Variants in GSK3B observed in about 807,000 individuals in gnomAD.
The protein encoded by GSK3B is glycogen synthase kinase-3 beta.
A neutral mutation model predicts 56.4 loss-of-function variants in GSK3B; 15 were observed. The ratio of observed to expected loss-of-function variants is 0.27; its 90% CI spans 0.18 to 0.41. GSK3B has a LOEUF of 0.41. GSK3B is among the 10% of genes least tolerant of loss of function. The pLI is 1.00. For missense variants in GSK3B, 300 were observed against 513.4 expected, an observed-to-expected ratio of 0.58 and a Z score of 4.02; for synonymous variants, 181 against 188.9, an observed-to-expected ratio of 0.96 and a Z score of 0.34.
intron 2 of GSK3B, among the ~76,000 whole-genome samples, chr3:119,987,549 A>C (rs1311830768): frequency 1.3e-5 from 2 of 152,186 alleles, no homozygotes; most frequent in Non-Finnish European, 2.9e-5. Flanking sequence ...CATATTGGTA[A>C]AGTTAAAGGG....
At chr3:120,029,680 T>G (rs761031519) in intron 1 of GSK3B, 1 of 531,164 alleles carries the variant, frequency 1.9e-6, no homozygotes, top group South Asian at 1.6e-5. Flanking sequence ...ATTATGGCCA[T>G]GGATACAGCA....
At chr3:119,993,768 G>GA (rs966964693) in intron 2 of GSK3B, among the ~76,000 whole-genome samples, 3 of 151,908 alleles carry the variant, frequency 2.0e-5, no homozygotes, top group African/African-American at 2.4e-5. Context: ...AAGAAATACA[G>GA]AAAAAAACGT....
At chr3:119,986,704 G>A (rs1479230628) in intron 2 of GSK3B, among the ~76,000 whole-genome samples, 1 of 152,180 alleles carries the variant, frequency 6.6e-6, no homozygotes, top group Non-Finnish European at 1.5e-5. Context: ...AGAGGATGTG[G>A]AGAAACTGGA....
intron 2 of GSK3B, among the ~76,000 whole-genome samples, chr3:119,999,973 G>C (rs937121834): frequency 1.5e-4 from 23 of 152,182 alleles, no homozygotes; most frequent in Non-Finnish European, 2.6e-4. Flanking sequence ...GAAACAACAT[G>C]ACCAATGAGA....
intron 7 of GSK3B, among the ~76,000 whole-genome samples, chr3:119,884,196 G>A (rs2056409671): frequency 6.6e-6 from 1 of 152,072 alleles, no homozygotes; most frequent in African/African-American, 2.4e-5. Flanking sequence ...AAAGGAAGGC[G>A]AACACTTAAA....
chr3:119,930,325 G>A (rs1258194895), intron 3 of GSK3B, among the ~76,000 whole-genome samples: 4 of 151,974 alleles, frequency 2.6e-5, no homozygotes, highest in Non-Finnish European at 4.4e-5. Flanking sequence ...GTAAAAGTGT[G>A]AAGCCAAATT....
At chr3:120,093,289 A>T (rs922362200) in intron 1 of GSK3B, 58 bp downstream of exon 1, 9 of 1,089,778 alleles carry the variant, frequency 8.3e-6, no homozygotes, top group African/African-American at 6.2e-5. Context: ...TGGTATTTCG[A>T]GGTTTCTTAT....
intron 5 of GSK3B, among the ~76,000 whole-genome samples, chr3:119,914,815 G>A (rs1444118245): frequency 6.6e-6 from 1 of 152,024 alleles, no homozygotes; most frequent in Non-Finnish European, 1.5e-5. Context: ...CATATCCTAT[G>A]TTAAACCCCA....
intron 8 of GSK3B, among the ~76,000 whole-genome samples, chr3:119,873,243 TTTTCTGCTA>T (rs2056269666): frequency 1.3e-5 from 2 of 152,174 alleles, no homozygotes; most frequent in South Asian, 2.1e-4. Context: ...TCAGTGTTAT[TTTTCTGCTA>T]TTTCTTTTAC....
chr3:119,935,695 CAG>C (rs970169266), intron 3 of GSK3B, among the ~76,000 whole-genome samples: 3 of 152,170 alleles, frequency 2.0e-5, no homozygotes, highest in African/African-American at 7.2e-5. Flanking sequence ...CAATTCTTCA[CAG>C]ACTCTTTCAA....
At chr3:119,900,989 A>G (rs2056619199) in intron 7 of GSK3B, among the ~76,000 whole-genome samples, 1 of 152,136 alleles carries the variant, frequency 6.6e-6, no homozygotes, top group African/African-American at 2.4e-5. Context: ...AGTTATAAAA[A>G]AAGTAACTGT....
Position 120,094,045 on chromosome 3 carries a change from T to TGGC in GSK3B, c.-614_-612dup, listed in dbSNP as rs2058540978. The TGGC allele has an allele frequency of 4.5e-6, 1 of 222,760 alleles. No homozygotes were observed. The highest frequency in any genetic ancestry group is 9.0e-6 in the Non-Finnish European group (1 of 110,680). The allele number at this position is 222,760 out of a possible 1,614,324, so 13.8% of individuals were successfully genotyped here. ...TCGCGAGTCAGTCAGAGGCGGGCGG[T>TGGC]GGCGGTGGCGGCGGCTCCTCTCCTC... On this transcript the variant is annotated 5_prime_UTR_variant, in exon 1 of 11. Transcript: ENST00000264235.
At chr3:119,922,279 G>GGA (rs1559837926) in intron 4 of GSK3B, among the ~76,000 whole-genome samples, 11 of 85,530 alleles carry the variant, frequency 1.3e-4, no homozygotes, top group Admixed American at 1.1e-4. Context: ...GGAAGGAAGG[G>GGA]AGGAGGGAAA....
intron 2 of GSK3B, among the ~76,000 whole-genome samples, chr3:119,993,673 G>A (rs906806355): frequency 9.9e-5 from 15 of 152,170 alleles, no homozygotes. Flanking sequence ...AGTTCAGAAA[G>A]AGGAGTTACA....
At chr3:119,945,102 G>A (rs1229223616) in intron 3 of GSK3B, among the ~76,000 whole-genome samples, 2 of 152,196 alleles carry the variant, frequency 1.3e-5, no homozygotes, top group Non-Finnish European at 2.9e-5. Flanking sequence ...TGGAGATCAT[G>A]AATGGGGCAA....
At chr3:119,830,734 A>G (rs996547534) in intron 10 of GSK3B, among the ~76,000 whole-genome samples, 1 of 152,202 alleles carries the variant, frequency 6.6e-6, no homozygotes, top group Non-Finnish European at 1.5e-5. Context: ...CTCTATAAAC[A>G]TTTATTGAGT....
intron 8 of GSK3B, among the ~76,000 whole-genome samples, chr3:119,870,782 A>AG (rs1217428998): frequency 6.6e-6 from 1 of 152,294 alleles, no homozygotes; most frequent in African/African-American, 2.4e-5. Flanking sequence ...TTCAGGGCAG[A>AG]GGGGGGTTGA....
intron 9 of GSK3B, among the ~76,000 whole-genome samples, chr3:119,853,323 T>C (rs907646227): frequency 6.6e-6 from 1 of 152,256 alleles, no homozygotes; most frequent in Non-Finnish European, 1.5e-5. Flanking sequence ...TTGGTTACTG[T>C]AGCCTTGTAG....
intron 1 of GSK3B, among the ~76,000 whole-genome samples, chr3:120,067,695 A>C (rs59703574): frequency 0.026 from 3,937 of 152,304 alleles, 174 homozygotes; most frequent in African/African-American, 0.089. Flanking sequence ...TGCAGAACAT[A>C]CAAGAAATAA....
Sources: gnomAD v4.1 joint callset for allele counts (sites outside exome capture counted in the v4.1 genomes callset) on GRCh38, gnomAD v4.1.1 for gene constraint, MANE v1.5 for transcripts, NCBI Gene and HGNC (gene_info 2026-07-23, HGNC 2026-07-21) for gene names.